The following MAD1L1 variants were observed in gnomAD, a reference collection of about 807,000 sequenced individuals.
The protein encoded by MAD1L1 is mitotic arrest deficient 1 like 1.
Under a neutral mutation model 96.9 loss-of-function variants are expected in MAD1L1, and 95 were observed. The ratio of observed to expected loss-of-function variants is 0.98; its 90% confidence interval spans 0.83 to 1.16. The LOEUF is 1.16. MAD1L1 is among the 50% of genes most tolerant of loss of function. The pLI is 0.00. For synonymous variants in MAD1L1, 473 were observed against 396.6 expected, an observed-to-expected ratio of 1.19 and a Z score of -2.29; for missense variants, 1,007 against 954.4, an observed-to-expected ratio of 1.06 and a Z score of -0.73.
intron 18 of MAD1L1, among the ~76,000 whole-genome samples, chr7:1,895,958 A>G (rs920399193): frequency 1.3e-5 from 2 of 152,226 alleles, no homozygotes; most frequent in Non-Finnish European, 2.9e-5. Flanking sequence ...AGATCACAAG[A>G]GTCTAGGAAG....
At chr7:1,869,803 T>G (rs376890408) in intron 18 of MAD1L1, among the ~76,000 whole-genome samples, 24 of 152,250 alleles carry the variant, frequency 1.6e-4, no homozygotes, top group African/African-American at 5.8e-4. Flanking sequence ...CAGGAGGTGA[T>G]GCCACACCAC....
intron 18 of MAD1L1, chr7:1,849,754 T>G (rs1783860002): frequency 6.6e-6 from 1 of 152,152 alleles, no homozygotes; most frequent in African/African-American, 2.4e-5. Flanking sequence ...AGACGCCGGC[T>G]CTGGGAGGGC....
chr7:2,152,025 G>GCCGGT (rs55648402), intron 10 of MAD1L1, among the ~76,000 whole-genome samples: 1 of 152,058 alleles, frequency 6.6e-6, no homozygotes, highest in African/African-American at 2.4e-5. Context: ...GCTTCCGGGT[G>GCCGGT]GCTCCCCTGC....
intron 13 of MAD1L1, among the ~76,000 whole-genome samples, chr7:2,008,630 G>A (rs941880766): frequency 1.3e-5 from 2 of 152,232 alleles, no homozygotes; most frequent in South Asian, 2.1e-4. Context: ...AAGCCTGCTC[G>A]CAGGCAGGCC....
At chr7:1,996,569 C>T (rs369192036) in intron 14 of MAD1L1, among the ~76,000 whole-genome samples, 2 of 152,322 alleles carry the variant, frequency 1.3e-5, no homozygotes, top group South Asian at 2.1e-4. Context: ...CCGCTAGGCC[C>T]GACTCAGAGT....
intron 11 of MAD1L1, among the ~76,000 whole-genome samples, chr7:2,099,785 G>A (rs920359249): frequency 6.6e-6 from 1 of 152,242 alleles, no homozygotes; most frequent in Non-Finnish European, 1.5e-5. Flanking sequence ...CTGCAGGGAG[G>A]AGCCCCTGGT....
intron 12 of MAD1L1, among the ~76,000 whole-genome samples, chr7:2,020,034 G>A (rs1021094582): frequency 2.6e-5 from 4 of 152,208 alleles, no homozygotes; most frequent in Admixed American, 6.5e-5. Flanking sequence ...CTTCAGAACC[G>A]CCAGGCAGGC....
chr7:2,030,412 G>A (rs966085062), intron 12 of MAD1L1, among the ~76,000 whole-genome samples: 3 of 152,222 alleles, frequency 2.0e-5, no homozygotes, highest in African/African-American at 4.8e-5. Flanking sequence ...ATAGCAGCTC[G>A]AACAAAGCAC....
At chr7:1,928,808 C>T (rs1021136163) in intron 17 of MAD1L1, among the ~76,000 whole-genome samples, 3 of 152,128 alleles carry the variant, frequency 2.0e-5, no homozygotes, top group Non-Finnish European at 1.5e-5. Flanking sequence ...GATTTCTGGC[C>T]GTGGGAGGGC....
chr7:2,101,488 T>G (rs1786777776), intron 11 of MAD1L1, among the ~76,000 whole-genome samples: 1 of 93,382 alleles, frequency 1.1e-5, no homozygotes, highest in African/African-American at 4.5e-5. Context: ...TCCTAAAGGG[T>G]CTCCATCCAG....
chr7:1,850,110 C>A (rs73286673), intron 18 of MAD1L1, among the ~76,000 whole-genome samples: 14,479 of 152,254 alleles, frequency 0.095, 1,102 homozygotes, highest in African/African-American at 0.21. Flanking sequence ...TCACCACTCT[C>A]GTTCGCCTTA....
chr7:2,210,421 C>T (rs903485062), intron 10 of MAD1L1, among the ~76,000 whole-genome samples: 2 of 140,822 alleles, frequency 1.4e-5, no homozygotes, highest in African/African-American at 5.0e-5. Context: ...GAGCCGTATT[C>T]GGGACCGCCA....
chr7:1,902,665 C>T (rs1787319105), intron 17 of MAD1L1, among the ~76,000 whole-genome samples: 1 of 105,110 alleles, frequency 9.5e-6, no homozygotes, highest in Admixed American at 1.0e-4. Flanking sequence ...CTACGTGAGC[C>T]TCAGGGTGCA....
intron 11 of MAD1L1, among the ~76,000 whole-genome samples, chr7:2,132,077 A>G (rs1056613655): frequency 2.6e-5 from 4 of 152,130 alleles, no homozygotes; most frequent in South Asian, 4.2e-4. Context: ...GCTGGCCCCA[A>G]CTGCATTTTG....
chr7:1,865,950 C>A (rs1031286126), intron 18 of MAD1L1, among the ~76,000 whole-genome samples: 8 of 152,240 alleles, frequency 5.3e-5, no homozygotes, highest in African/African-American at 1.9e-4. Flanking sequence ...CAGGCACCAT[C>A]GGCCCGCAAT....
At chr7:1,905,260 C>T (rs377694807) in intron 17 of MAD1L1, among the ~76,000 whole-genome samples, 801 of 50,810 alleles carry the variant, frequency 0.016, 24 homozygotes, top group Middle Eastern at 0.12. Context: ...CAGTGGCCTA[C>T]GGAAGACGCT....
At chr7:2,219,264 G>A (rs1639916) in intron 6 of MAD1L1, 68 bp downstream of exon 6, 918,259 of 1,423,896 alleles carry the variant, frequency 0.64, 299,401 homozygotes, top group African/African-American at 0.83. Context: ...CCAGCCACCA[G>A]GAGAGAGGTG....
chr7:1,888,612 G>T, intron 18 of MAD1L1, among the ~76,000 whole-genome samples: 1 of 152,242 alleles, frequency 6.6e-6, no homozygotes, highest in African/African-American at 2.4e-5. Context: ...GCCTATGCAT[G>T]TGTGAGCATG....
At chr7:2,229,762 C>T (rs1407401249) in intron 3 of MAD1L1, among the ~76,000 whole-genome samples, 7 of 152,262 alleles carry the variant, frequency 4.6e-5, no homozygotes, top group African/African-American at 9.6e-5. Context: ...CCACTCAGGG[C>T]GCTAACAAGG....
Sources: allele counts gnomAD v4.1 joint callset (sites outside exome capture counted in the v4.1 genomes callset), GRCh38; gene constraint gnomAD v4.1.1; transcripts MANE v1.5; gene names NCBI Gene and HGNC (gene_info 2026-07-23, HGNC 2026-07-21).